The following EFCAB6 variants were observed in gnomAD, a reference collection of about 807,000 sequenced individuals.
The protein encoded by EFCAB6 is EF-hand calcium binding domain 6, also known as EF-hand calcium-binding domain-containing protein 6.
Under a neutral mutation model 169.8 loss-of-function variants are expected in EFCAB6, and 156 were observed. The observed-to-expected ratio is 0.92, with a 90% confidence interval of 0.81 to 1.05. EFCAB6 has a LOEUF of 1.05. EFCAB6 is among the 50% of genes least tolerant of loss of function. EFCAB6 has a pLI of 0.00. For missense variants in EFCAB6, 1,800 were observed against 1,829.1 expected (o/e 0.98, Z 0.29); for synonymous variants, 698 against 676.4 (o/e 1.03, Z -0.50).
chr22:43,738,452 T>C (rs190026071), intron 6 of EFCAB6, among the ~76,000 whole-genome samples: 64 of 137,884 alleles, frequency 4.6e-4, no homozygotes, highest in Middle Eastern at 5.0e-3. Context: ...TATACTCACA[T>C]ACACCATCAC....
Position 43,572,380 on chromosome 22 carries a change from GA to G in EFCAB6, c.3420+3916del, listed in dbSNP as rs778720777. 1.3e-5 allele frequency among the ~76,000 whole-genome samples: 2 copies of G among 152,292 alleles called. No homozygotes were observed. The stretch of plus-strand genomic sequence containing the variant: ...GGACACTCAGGCCTCGCTGAGGGGG[GA>G]CAGCAGACATGGAGCTTCAAGCCCG... On this transcript the variant is annotated intron_variant, in intron 26 of 31. Transcript: ENST00000262726. The surrounding 1 kb of genome is among the most constrained non-coding windows in gnomAD (Gnocchi z 4.0).
At chr22:43,695,233 T>A (rs1003727469) in intron 10 of EFCAB6, among the ~76,000 whole-genome samples, 4 of 152,040 alleles carry the variant, frequency 2.6e-5, no homozygotes, top group African/African-American at 4.8e-5. Flanking sequence ...AATGAAATTT[T>A]AAAAAATTCC....
At chr22:43,707,088 T>C (rs775866264) in intron 10 of EFCAB6, among the ~76,000 whole-genome samples, 6 of 152,316 alleles carry the variant, frequency 3.9e-5, no homozygotes, top group East Asian at 1.9e-4. Context: ...TATGTGCTAA[T>C]AGCAACCCTG....
At chr22:43,623,701 C>A (rs1226045902) in intron 20 of EFCAB6, among the ~76,000 whole-genome samples, 2 of 146,856 alleles carry the variant, frequency 1.4e-5, no homozygotes, top group African/African-American at 5.1e-5. Context: ...CGAGACCATC[C>A]TGGCTAACAT....
chr22:43,803,626 T>C (rs1050334748), intron 2 of EFCAB6, among the ~76,000 whole-genome samples: 4 of 152,092 alleles, frequency 2.6e-5, no homozygotes, highest in African/African-American at 7.2e-5. Context: ...GATATAACAA[T>C]TATAAATATA....
At chr22:43,562,001 T>A (rs910923724) in intron 26 of EFCAB6, among the ~76,000 whole-genome samples, 5 of 152,046 alleles carry the variant, frequency 3.3e-5, no homozygotes, top group Non-Finnish European at 2.9e-5. Flanking sequence ...CACCTCACAC[T>A]CCCCAGCTTA....
intron 15 of EFCAB6, among the ~76,000 whole-genome samples, chr22:43,669,942 G>C (rs1391162636): frequency 6.6e-6 from 1 of 152,132 alleles, no homozygotes; most frequent in East Asian, 1.9e-4. Context: ...CAACATGTGT[G>C]ATCATGTCCT....
chr22:43,735,049 C>T lies in EFCAB6; in HGVS notation c.644+808G>A, dbSNP rs114650545. ...TTAGAAAAGTGTTTGGGAAAAGGCA[C>T]GAAGAGGGAATGGACCTCTCGGCTG... is the stretch of plus-strand genomic sequence containing the variant. On this transcript the variant is annotated intron_variant, in intron 7 of 31. Transcript: ENST00000262726. Among the ~76,000 whole-genome samples, 1,399 of 152,138 alleles carry T rather than the reference C, an allele frequency of 9.2e-3. 20 individuals are homozygous for T. The highest frequency in any genetic ancestry group is 0.032 in the African/African-American group (1,341 of 41,508).
intron 5 of EFCAB6, among the ~76,000 whole-genome samples, chr22:43,756,938 CAGGGAGACCAG>C (rs2060976939): frequency 1.3e-5 from 2 of 152,100 alleles, no homozygotes; most frequent in African/African-American, 4.8e-5. Context: ...GGAAGGAGGC[CAGGGAGACCAG>C]AGCTGGATGG....
At chr22:43,665,598 T>G (rs1461589346) in intron 17 of EFCAB6, among the ~76,000 whole-genome samples, 1 of 152,214 alleles carries the variant, frequency 6.6e-6, no homozygotes, top group Non-Finnish European at 1.5e-5. Context: ...CAAAGGGCCC[T>G]GCACGGGCAG....
At chr22:43,575,318 GTA>G in intron 26 of EFCAB6, among the ~76,000 whole-genome samples, 1 of 150,666 alleles carries the variant, frequency 6.6e-6, no homozygotes, top group Non-Finnish European at 1.5e-5. Context: ...AGCCTCCTGA[GTA>G]GCTGGGATTA....
At position 43,565,375 on chromosome 22, in the gene EFCAB6, T is replaced by G. The variant is rs138111665; in HGVS notation, c.3421-10279A>C. Among the ~76,000 whole-genome samples the G allele has an allele frequency of 1.3e-3, 198 of 152,348 alleles. 5 individuals are homozygous for G. In the East Asian group the frequency reaches 0.031, roughly 24 times the overall value. ...TGAGGGTTTATGGTTGCTTGTTACA[T>G]AGTGATAGCTGACTGCTACAGTTCT... is the stretch of plus-strand genomic sequence containing the variant. On this transcript the variant is annotated intron_variant, in intron 26 of 31. Coordinates refer to ENST00000262726, the MANE Select transcript of EFCAB6 (RefSeq NM_022785.4).
At chr22:43,627,497 A>G (rs565672090) in intron 19 of EFCAB6, among the ~76,000 whole-genome samples, 161 of 152,338 alleles carry the variant, frequency 1.1e-3, no homozygotes, top group Admixed American at 2.4e-3. Flanking sequence ...CTAATGATGC[A>G]AAGTGCTTAG....
Position 43,744,912 on chromosome 22 carries a change from C to T in EFCAB6, c.508-8919G>A, listed in dbSNP as rs2060508950. On this transcript the variant is annotated intron_variant, in intron 6 of 31. Coordinates refer to ENST00000262726, the MANE Select transcript of EFCAB6 (RefSeq NM_022785.4). The surrounding 1 kb of genome is among the most constrained non-coding windows in gnomAD (Gnocchi z 4.3). ...TCGGGCTTGGAGGAGCTGAGAAGGG[C>T]GTGCTGAACCAGCCCCACACTTGAG... 6.6e-6 allele frequency among the ~76,000 whole-genome samples: 1 copy of T among 152,260 alleles called. No homozygotes were observed. Among genetic ancestry groups the T allele is most frequent in the South Asian group, 2.1e-4 (1 of 4,822 alleles).
intron 27 of EFCAB6, among the ~76,000 whole-genome samples, chr22:43,550,712 CT>C: frequency 6.6e-6 from 1 of 151,940 alleles, no homozygotes. Context: ...TTAGCAGTTC[CT>C]TTCCCTAATA....
intron 18 of EFCAB6, among the ~76,000 whole-genome samples, chr22:43,632,759 G>C (rs9614247): frequency 1.3e-5 from 2 of 152,160 alleles, no homozygotes; most frequent in Admixed American, 6.5e-5. Flanking sequence ...TCTTCCAGGA[G>C]GAACCATGCT....
At chr22:43,645,858 A>C (rs538772094) in intron 17 of EFCAB6, among the ~76,000 whole-genome samples, 106 of 151,946 alleles carry the variant, frequency 7.0e-4, no homozygotes, top group African/African-American at 2.4e-3. Flanking sequence ...AAACTAAAAA[A>C]AAAAACAAAA....
chr22:43,573,474 G>A (rs867653395), intron 26 of EFCAB6, among the ~76,000 whole-genome samples: 4 of 147,490 alleles, frequency 2.7e-5, no homozygotes, highest in Admixed American at 1.4e-4. Context: ...GGCTTATGCT[G>A]TAATCCCAGC....
In EFCAB6 at chr22:43,600,266, T is replaced by TAAAACA. The variant is rs1418380035; in HGVS notation, c.2682-9_2682-4dup. 7 of 1,612,848 alleles carry TAAAACA rather than the reference T, an allele frequency of 4.3e-6. No individual in the cohort carries two copies. Among genetic ancestry groups the TAAAACA allele is most frequent in the East Asian group, 4.5e-5 (2 of 44,896 alleles). The stretch of plus-strand genomic sequence containing the variant: ...GCCCTTTTCCCTCGGTGTCGTATCT[T>TAAAACA]AAAACAAAAACAAAAACAGAAAGCA... On this transcript the variant is annotated splice_region_variant and splice_polypyrimidine_tract_variant and intron_variant, in intron 22 of 31. Transcript: ENST00000262726.
Sources: gnomAD v4.1 joint callset for allele counts (sites outside exome capture counted in the v4.1 genomes callset) on GRCh38, gnomAD v4.1.1 for gene constraint, Gnocchi (gnomAD v3.1) non-coding constraint, MANE v1.5 for transcripts, NCBI Gene and HGNC (gene_info 2026-07-23, HGNC 2026-07-21) for gene names.